PCDHGA1: variants seen among roughly 807,000 people sequenced by gnomAD.
PCDHGA1 encodes protocadherin gamma subfamily A, 1.
PCDHGA1 carries 32 observed loss-of-function variants against 58.0 expected under a neutral mutation model. The ratio of observed to expected loss-of-function variants is 0.55; its 90% CI spans 0.42 to 0.74. PCDHGA1 has a LOEUF of 0.74. Ranked by LOEUF, PCDHGA1 falls within the 30% of genes least tolerant of loss-of-function variation. The probability of loss-of-function intolerance (pLI) is 0.00; values close to 1 mark genes in which losing one functional copy is unlikely to be tolerated. For missense variants in PCDHGA1, 1,205 were observed against 1,182.3 expected (o/e 1.02, Z -0.28); for synonymous variants, 498 against 501.1 (o/e 0.99, Z 0.08).
rs756243026 is a variant in PCDHGA1, at chr5:141,487,478, T to C, written c.2422-7329T>C. On this transcript the variant is annotated intron_variant, in intron 1 of 3. Transcript: ENST00000517417. This position sits in a 1 kb window ranked among gnomAD's most constrained non-coding sequence, Gnocchi z 5.0. ...CAAGTTTGTTGATGTGGGAGGCCAC[T>C]CTCATGGCTGTACACCCTTGGCTTC... is the stretch of plus-strand genomic sequence containing the variant. 6 of 1,614,078 alleles carry C rather than the reference T, an allele frequency of 3.7e-6. No individual in the cohort carries two copies. In the Admixed American group the frequency reaches 1.0e-4, roughly 27 times the overall value.
At chr5:141,341,394 A>T (rs759385100) in intron 1 of PCDHGA1, 4 of 1,614,094 alleles carry the variant, frequency 2.5e-6, no homozygotes, top group Non-Finnish European at 3.4e-6. Flanking sequence ...ACGTTTTCTC[A>T]GGTAATCTAT....
chr5:141,410,653 A>G (rs1272999564), intron 1 of PCDHGA1: 9 of 1,589,886 alleles, frequency 5.7e-6, no homozygotes, highest in Non-Finnish European at 7.7e-6. Context: ...TGATTTATCT[A>G]ATAGTCTACT....
intron 2 of PCDHGA1, among the ~76,000 whole-genome samples, chr5:141,501,032 C>A (rs1370625012): frequency 6.6e-6 from 1 of 151,976 alleles, no homozygotes; most frequent in Non-Finnish European, 1.5e-5. Context: ...CCACGCCCAG[C>A]TAATTTTTGT....
At chr5:141,361,720 G>C in intron 1 of PCDHGA1, 8 of 1,613,318 alleles carry the variant, frequency 5.0e-6, no homozygotes, top group Non-Finnish European at 5.9e-6. Flanking sequence ...GCGCGCCTTC[G>C]AGCTCACACT....
At position 141,331,152 on chromosome 5, in the gene PCDHGA1, T is replaced by A; in HGVS notation, c.468T>A (p.Phe156Leu). ...CAGGTACCAGAGTCTCATTGCCTTT[T>A]GGGCAAGACCTTGATGTGGGTATGA... The part of the protein sequence containing the change: ...TTPGTRVSLP[F>L]GQDLDVGMNS... The change falls in exon 1 of 4, where the codon TTT becomes TTA. Residue 156 changes from phenylalanine to leucine, a missense_variant. Coordinates refer to ENST00000517417, the MANE Select transcript of PCDHGA1 (RefSeq NM_018912.3). 2.5e-6 allele frequency: 4 copies of A among 1,614,184 alleles called. No individual in the cohort carries two copies. Among genetic ancestry groups the A allele is most frequent in the Non-Finnish European group, 3.4e-6 (4 of 1,180,042 alleles).
At chr5:141,482,048 G>T (rs375214441) in intron 1 of PCDHGA1, among the ~76,000 whole-genome samples, 12 of 150,156 alleles carry the variant, frequency 8.0e-5, no homozygotes, top group Middle Eastern at 6.9e-3. Flanking sequence ...TCATGCTGTT[G>T]CATTCCAGCC....
At chr5:141,413,020 C>T in intron 1 of PCDHGA1, 1 of 693,768 alleles carries the variant, frequency 1.4e-6, no homozygotes, top group Non-Finnish European at 2.3e-6. Context: ...CTACACAAGC[C>T]CCACAAACCG....
intron 1 of PCDHGA1, chr5:141,389,923 C>G: frequency 6.2e-7 from 1 of 1,614,076 alleles, no homozygotes; most frequent in Non-Finnish European, 8.5e-7. Context: ...CCCGACCCCT[C>G]TGACCTCCAG....
At position 141,432,660 on chromosome 5, in the gene PCDHGA1, A is replaced by G; in HGVS notation, c.2422-62147A>G. The G allele has an allele frequency of 6.2e-7, 1 of 1,613,768 alleles. No individual in the cohort carries two copies. Among genetic ancestry groups the G allele is most frequent in the African/African-American group, 1.3e-5 (1 of 75,026 alleles). ...GTGCGCACGGCGCGAGCCCTGCTGG[A>G]CAGAGACGCGCTCAAGCAGAGCCTC... On this transcript the variant is annotated intron_variant, in intron 1 of 3. Coordinates refer to ENST00000517417, the MANE Select transcript of PCDHGA1 (RefSeq NM_018912.3). The surrounding 1 kb of genome is among the most constrained non-coding windows in gnomAD (Gnocchi z 6.0).
chr5:141,373,414 T>C (rs1351552261), intron 1 of PCDHGA1, among the ~76,000 whole-genome samples: 1 of 152,222 alleles, frequency 6.6e-6, no homozygotes, highest in Non-Finnish European at 1.5e-5. Context: ...TCCCAGCTAC[T>C]CGGGAGGCTG....
intron 1 of PCDHGA1, among the ~76,000 whole-genome samples, chr5:141,402,737 G>T (rs948478466): frequency 3.9e-5 from 6 of 152,276 alleles, no homozygotes; most frequent in East Asian, 1.9e-4. Context: ...CGCCGCTGTT[G>T]ATCAACTCTA....
At chr5:141,339,136 G>A in intron 1 of PCDHGA1, 1 of 1,614,236 alleles carries the variant, frequency 6.2e-7, no homozygotes. Context: ...TGGGTTTGGA[G>A]CCCCTGGCAC....
In PCDHGA1 at chr5:141,489,163, C is replaced by T. The variant is rs2099683398; in HGVS notation, c.2422-5644C>T. 1 of 1,060,592 alleles carries T rather than the reference C, an allele frequency of 9.4e-7. No individual in the cohort carries two copies. Among genetic ancestry groups the T allele is most frequent in the Admixed American group, 2.4e-5 (1 of 41,724 alleles). The allele number at this position is 1,060,592 out of a possible 1,614,324, so 65.7% of individuals were successfully genotyped here. On this transcript the variant is annotated intron_variant, in intron 1 of 3. Coordinates refer to ENST00000517417, the MANE Select transcript of PCDHGA1 (RefSeq NM_018912.3). This position sits in a 1 kb window ranked among gnomAD's most constrained non-coding sequence, Gnocchi z 4.5. ...TGGAAGGAGACATAAGAGACTTCAGCTGCTGCATTCCAAGCCCTGGGTCTA... is the reference window on the plus strand; with the variant it reads ...TGGAAGGAGACATAAGAGACTTCAGTTGCTGCATTCCAAGCCCTGGGTCTA...
chr5:141,400,120 C>G, intron 1 of PCDHGA1: 1 of 1,614,076 alleles, frequency 6.2e-7, no homozygotes, highest in Non-Finnish European at 8.5e-7. Context: ...TGACAGCTTG[C>G]AGGAGGTGCT....
rs1471215172 is a variant in PCDHGA1 at position 141,511,840 on chromosome 5, TCTG to T, written c.*668_*670del. 1 of 156,722 alleles carries T rather than the reference TCTG, an allele frequency of 6.4e-6. No homozygotes were observed. Among genetic ancestry groups the T allele is most frequent in the African/African-American group, 2.4e-5 (1 of 41,448 alleles). The allele number at this position is 156,722 out of a possible 1,614,324, so 9.7% of individuals were successfully genotyped here. A position where few individuals can be genotyped will look rare whatever the true frequency, so the allele number is the denominator to read the frequency against. On this transcript the variant is annotated 3_prime_UTR_variant, in exon 4 of 4. Coordinates refer to ENST00000517417, the MANE Select transcript of PCDHGA1 (RefSeq NM_018912.3). ...TTCCCAACGCCCTGGGGACCAGTCTTCTGTTTTGTTTTTCATTGTTTGACGTTT... is the reference window on the plus strand; with the variant it reads ...TTCCCAACGCCCTGGGGACCAGTCTTTTTTGTTTTTCATTGTTTGACGTTT...
chr5:141,375,160 T>G (rs373409677), intron 1 of PCDHGA1: 1 of 1,613,854 alleles, frequency 6.2e-7, no homozygotes, highest in African/African-American at 1.3e-5. Flanking sequence ...TTGCTGAAAG[T>G]GCACCTCCAG....
chr5:141,415,380 C>G (rs759710024), intron 1 of PCDHGA1: 1 of 1,614,250 alleles, frequency 6.2e-7, no homozygotes, highest in South Asian at 1.1e-5. Flanking sequence ...CAGGAGGCGG[C>G]TTGACAGGTG....
At chr5:141,436,707 T>C (rs985035872) in intron 1 of PCDHGA1, among the ~76,000 whole-genome samples, 18 of 152,208 alleles carry the variant, frequency 1.2e-4, no homozygotes, top group African/African-American at 4.3e-4. Context: ...GCACACTCGA[T>C]GTTCTGTTGG....
At chr5:141,364,185 C>G (rs2149854630) in intron 1 of PCDHGA1, 1 of 992,250 alleles carries the variant, frequency 1.0e-6, no homozygotes, top group East Asian at 2.8e-5. Flanking sequence ...TCCCTCCATA[C>G]TAAACACACA....
Sources: gnomAD v4.1 joint callset for allele counts (sites outside exome capture counted in the v4.1 genomes callset) on GRCh38, gnomAD v4.1.1 for gene constraint, Gnocchi (gnomAD v3.1) non-coding constraint, MANE v1.5 for transcripts, NCBI Gene and HGNC (gene_info 2026-07-23, HGNC 2026-07-21) for gene names.